The following FAM168A variants were observed in gnomAD, a reference collection of about 807,000 sequenced individuals.
FAM168A encodes the protein protein FAM168A.
A neutral mutation model predicts 28.5 loss-of-function variants in FAM168A; 3 were observed. The ratio of observed to expected loss-of-function variants is 0.11; its 90% CI spans 0.05 to 0.27. The LOEUF (loss-of-function observed/expected upper bound fraction) is 0.27, where lower values mean the gene tolerates loss of function less well. FAM168A is among the 10% of genes least tolerant of loss of function. The pLI, the probability that FAM168A is intolerant of heterozygous loss-of-function variation, is 1.00. For missense variants in FAM168A, 222 were observed against 311.5 expected (o/e 0.71, Z 2.16); for synonymous variants, 122 against 124.2 (o/e 0.98, Z 0.12).
chr11:73,457,831 A>G (rs946287832), intron 2 of FAM168A, among the ~76,000 whole-genome samples: 13 of 151,844 alleles, frequency 8.6e-5, no homozygotes, highest in Non-Finnish European at 1.3e-4. Context: ...TAAACTTTTC[A>G]TAAGTATACC....
intron 1 of FAM168A, among the ~76,000 whole-genome samples, chr11:73,536,603 C>T (rs1038009719): frequency 1.2e-4 from 18 of 152,120 alleles, no homozygotes; most frequent in Admixed American, 1.2e-3. Flanking sequence ...AGGAGAATCG[C>T]TTGAACCCAG....
intron 3 of FAM168A, among the ~76,000 whole-genome samples, chr11:73,429,328 A>G (rs781641923): frequency 2.6e-5 from 4 of 152,160 alleles, no homozygotes; most frequent in African/African-American, 9.7e-5. Context: ...GGGACAAAAC[A>G]CTGCTTTTTG....
intron 1 of FAM168A, among the ~76,000 whole-genome samples, chr11:73,529,149 C>A (rs1208548643): frequency 2.0e-5 from 3 of 152,176 alleles, no homozygotes; most frequent in Admixed American, 2.0e-4. Context: ...ATTGTTGTTG[C>A]TTGCCCAGCC....
At chr11:73,445,511 C>T (rs1867296414) in intron 2 of FAM168A, among the ~76,000 whole-genome samples, 1 of 145,308 alleles carries the variant, frequency 6.9e-6, no homozygotes, top group South Asian at 2.2e-4. Flanking sequence ...AGTGATCCTC[C>T]CTCCTCAGCA....
intron 2 of FAM168A, among the ~76,000 whole-genome samples, chr11:73,454,032 T>G (rs1158479133): frequency 1.3e-5 from 2 of 152,222 alleles, no homozygotes. Context: ...CATGGTCTAT[T>G]GAGCTTGCCC....
intron 2 of FAM168A, among the ~76,000 whole-genome samples, chr11:73,433,686 G>A (rs1867037394): frequency 6.6e-6 from 1 of 151,964 alleles, no homozygotes; most frequent in African/African-American, 2.4e-5. Context: ...TATTCCGTAT[G>A]TAGATACATC....
chr11:73,595,661 T>C (rs1565313078), intron 1 of FAM168A, among the ~76,000 whole-genome samples: 1 of 152,230 alleles, frequency 6.6e-6, no homozygotes, highest in African/African-American at 2.4e-5. Context: ...GCCCTAAGAA[T>C]GAGCATATCG....
chr11:73,426,705 G>C (rs770714914), intron 3 of FAM168A, among the ~76,000 whole-genome samples: 19 of 121,182 alleles, frequency 1.6e-4, no homozygotes, highest in African/African-American at 2.4e-4. Flanking sequence ...AAAATATGCT[G>C]TGTGTGTGTG....
intron 1 of FAM168A, among the ~76,000 whole-genome samples, chr11:73,496,524 T>G (rs1312642252): frequency 6.6e-6 from 1 of 152,184 alleles, no homozygotes; most frequent in South Asian, 2.1e-4. Flanking sequence ...ATAGTTAAGA[T>G]GGTAAATTTT....
intron 1 of FAM168A, among the ~76,000 whole-genome samples, chr11:73,531,971 ATT>A (rs1016007383): frequency 1.1e-4 from 14 of 123,452 alleles, no homozygotes; most frequent in Admixed American, 1.7e-4. Flanking sequence ...TGCCTGGCTA[ATT>A]TTTTTTTTTT....
intron 1 of FAM168A, among the ~76,000 whole-genome samples, chr11:73,542,878 G>A (rs901209991): frequency 2.0e-5 from 3 of 152,120 alleles, no homozygotes; most frequent in Non-Finnish European, 4.4e-5. Context: ...GCCTTGGATC[G>A]CTTAAGCTGA....
At chr11:73,570,117 C>T (rs1016407467) in intron 1 of FAM168A, among the ~76,000 whole-genome samples, 6 of 152,138 alleles carry the variant, frequency 3.9e-5, no homozygotes, top group Non-Finnish European at 8.8e-5. Flanking sequence ...CATATTCATA[C>T]AAGCTGTTTC....
intron 1 of FAM168A, among the ~76,000 whole-genome samples, chr11:73,481,874 G>A (rs903015104): frequency 2.0e-5 from 3 of 152,196 alleles, no homozygotes; most frequent in African/African-American, 7.2e-5. Context: ...GGTCATAAAG[G>A]CTCTGCCGTC....
At chr11:73,593,796 T>G (rs976812867) in intron 1 of FAM168A, among the ~76,000 whole-genome samples, 4 of 152,218 alleles carry the variant, frequency 2.6e-5, no homozygotes, top group Non-Finnish European at 5.9e-5. Context: ...ATGATGTTAA[T>G]TCTATTATTC....
intron 1 of FAM168A, among the ~76,000 whole-genome samples, chr11:73,529,263 G>A (rs1333492270): frequency 2.0e-5 from 3 of 152,152 alleles, no homozygotes; most frequent in Non-Finnish European, 4.4e-5. Context: ...GGAAGGTGTT[G>A]CCTGTTCAAA....
chr11:73,457,286 G>C lies in FAM168A; in HGVS notation c.70+11119C>G, dbSNP rs373346161. Among the ~76,000 whole-genome samples the C allele has an allele frequency of 4.6e-5, 7 of 151,594 alleles. No homozygotes were observed. The South Asian group carries it at 1.5e-3, about 32-fold the overall frequency. On this transcript the variant is annotated intron_variant, in intron 2 of 7. Transcript: ENST00000356467. ...CACCTGTAGTTCCAGTTACTTGGGA[G>C]GCTGAGACTGGAGGATCCCTTGAGC...
chr11:73,419,885 G>C lies in FAM168A; in HGVS notation c.266C>G (p.Ser89Cys). Residue 89 changes from serine to cysteine, a missense_variant, in exon 4 of 8, where the codon TCT (serine) becomes TGT (cysteine). By Grantham distance (112) the Ser-to-Cys change is moderately radical. This residue lies in a region of FAM168A where 153 missense variants were observed against 189.2 expected (regional missense o/e 0.81). Coordinates refer to ENST00000356467, the MANE Select transcript of FAM168A (RefSeq NM_015159.3). ...GTENRTYQAS[S>C]AAFRYTAGTP... ...CAGGCTGTATTTACTGAAAGCCGCAGAGGATGCTTGGTAAGTTCGGTTCTC... is the reference window on the plus strand; with the variant it reads ...CAGGCTGTATTTACTGAAAGCCGCACAGGATGCTTGGTAAGTTCGGTTCTC... 6.2e-7 allele frequency: 1 copy of C among 1,614,084 alleles called. No homozygotes were observed. Among genetic ancestry groups the C allele is most frequent in the Non-Finnish European group, 8.5e-7 (1 of 1,179,980 alleles).
intron 2 of FAM168A, among the ~76,000 whole-genome samples, chr11:73,449,151 G>C (rs1475583423): frequency 6.6e-6 from 1 of 151,500 alleles, no homozygotes; most frequent in African/African-American, 2.4e-5. Flanking sequence ...ATTTTTTTTT[G>C]GAGAGCCAGG....
intron 1 of FAM168A, among the ~76,000 whole-genome samples, chr11:73,563,616 A>G (rs1480696658): frequency 6.6e-6 from 1 of 152,204 alleles, no homozygotes; most frequent in African/African-American, 2.4e-5. Context: ...TAAATGGTCA[A>G]TTGTTTGGTA....
Sources: allele counts gnomAD v4.1 joint callset (sites outside exome capture counted in the v4.1 genomes callset), GRCh38; gene constraint gnomAD v4.1.1; regional missense constraint gnomAD v4.1.1; transcripts MANE v1.5; gene names NCBI Gene and HGNC (gene_info 2026-07-23, HGNC 2026-07-21).